The following TBCE variants were observed in gnomAD, a reference collection of about 807,000 sequenced individuals.
TBCE encodes the protein tubulin-specific chaperone E.
In TBCE, 53 loss-of-function variants were observed where a neutral mutation model predicts 77.0. That is an observed-to-expected ratio of 0.69 (90% CI 0.55 to 0.87). TBCE has a LOEUF of 0.87. Among genes scored for constraint, TBCE ranks in the 40% least tolerant of loss-of-function variants. The probability of loss-of-function intolerance (pLI) is 0.00; values close to 1 mark genes in which losing one functional copy is unlikely to be tolerated. For synonymous variants in TBCE, 235 were observed against 241.3 expected, an observed-to-expected ratio of 0.97 and a Z score of 0.24; for missense variants, 624 against 622.4, an observed-to-expected ratio of 1.00 and a Z score of -0.03.
intron 13 of TBCE, among the ~76,000 whole-genome samples, chr1:235,440,546 C>A (rs191318631): frequency 3.6e-4 from 55 of 152,266 alleles, no homozygotes; most frequent in African/African-American, 1.0e-3. Flanking sequence ...GCGTCTGCCA[C>A]CATGCCCGGC....
intron 4 of TBCE, chr1:235,414,898 C>T (rs2102883847): frequency 2.6e-6 from 1 of 391,184 alleles, no homozygotes; most frequent in Middle Eastern, 8.3e-4. Flanking sequence ...ACTAAGTAAC[C>T]AAGGCTGACG....
rs532298040 is a variant in TBCE at position 235,440,390 on chromosome 1, G to GTA, written c.1271-1412_1271-1411dup. ...ACTCCAGTTTATGTCTGAGGCATCC[G>GTA]TATATATATATATTTTTTTGAGATG... On this transcript the variant is annotated intron_variant, in intron 13 of 16. Transcript: ENST00000642610. Among the ~76,000 whole-genome samples the GTA allele has an allele frequency of 8.3e-3, 1,254 of 151,804 alleles. 14 individuals carry two copies. The highest frequency in any genetic ancestry group is 0.029 in the African/African-American group (1,209 of 41,408).
Position 235,448,411 on chromosome 1 carries a change from G to A in TBCE, c.1462G>A (p.Asp488Asn). The change falls in exon 16 of 17, where the codon GAC (aspartate) becomes AAC (asparagine). Residue 488 changes from aspartate (D) to asparagine (N), a missense_variant. By Grantham distance (23) the Asp-to-Asn change is conservative. Transcript: ENST00000642610. ...ACGTCTTCTCAAAGTTCCTGTGTCA[G>A]ACCTTCTGTTGTCCTATGAAAGTCC... ...LSRLLKVPVS[D>N]LLLSYESPKK... 6.2e-7 allele frequency: 1 copy of A among 1,614,090 alleles called. No individual in the cohort carries two copies. Among genetic ancestry groups the A allele is most frequent in the Non-Finnish European group, 8.5e-7 (1 of 1,179,980 alleles).
intron 12 of TBCE, 123 bp from the exon 13 acceptor site, chr1:235,438,646 C>T (rs550556142): frequency 8.8e-7 from 1 of 1,133,392 alleles, no homozygotes; most frequent in South Asian, 1.3e-5. Context: ...AAAACTAGAT[C>T]TTGTCCCTCT....
chr1:235,429,927 A>G (rs1171154107), intron 6 of TBCE: 1 of 152,288 alleles, frequency 6.6e-6, no homozygotes, highest in Non-Finnish European at 1.5e-5. Flanking sequence ...CATGTTGGCC[A>G]GGCTAGTCTT....
At chr1:235,371,036 G>A (rs1359161222) in intron 1 of TBCE, among the ~76,000 whole-genome samples, 1 of 53,838 alleles carries the variant, frequency 1.9e-5, no homozygotes, top group East Asian at 9.6e-4. Context: ...TATCACGCCT[G>A]GCTTTTTTTT....
chr1:235,383,761 A>G (rs1677827677), intron 2 of TBCE, among the ~76,000 whole-genome samples: 1 of 152,198 alleles, frequency 6.6e-6, no homozygotes, highest in Non-Finnish European at 1.5e-5. Context: ...GTCATCTGCA[A>G]ATAGGGATAA....
Position 235,430,822 on chromosome 1 carries a change from T to A in TBCE, c.660+18T>A. 6.3e-7 allele frequency: 1 copy of A among 1,588,896 alleles called. No individual in the cohort carries two copies. Among genetic ancestry groups the A allele is most frequent in the South Asian group, 1.1e-5 (1 of 90,392 alleles). On this transcript the variant is annotated intron_variant, in intron 7 of 16. Transcript: ENST00000642610. ...GGGCTGAGGTAATCATATTTCTTTGTTTTATTACACATTAATAAGCAATTA... is the reference window on the plus strand; with the variant it reads ...GGGCTGAGGTAATCATATTTCTTTGATTTATTACACATTAATAAGCAATTA...
intron 4 of TBCE, among the ~76,000 whole-genome samples, chr1:235,417,082 C>T (rs1254746851): frequency 6.6e-6 from 1 of 152,204 alleles, no homozygotes; most frequent in African/African-American, 2.4e-5. Context: ...TAAAATCCAG[C>T]TGACCAGCTT....
At chr1:235,391,000 C>T (rs1678351027) in intron 2 of TBCE, among the ~76,000 whole-genome samples, 1 of 152,016 alleles carries the variant, frequency 6.6e-6, no homozygotes, top group Admixed American at 6.6e-5. Flanking sequence ...TGGCAAATAT[C>T]ATTCAGGGGC....
At chr1:235,428,256 G>A (rs1481635683) in intron 6 of TBCE, among the ~76,000 whole-genome samples, 2 of 149,698 alleles carry the variant, frequency 1.3e-5, no homozygotes, top group African/African-American at 2.5e-5. Flanking sequence ...CCTGGGAGGC[G>A]GAGCTTGCAG....
chr1:235,407,134 CTTT>C (rs1233356015), intron 3 of TBCE, among the ~76,000 whole-genome samples: 15 of 138,560 alleles, frequency 1.1e-4, no homozygotes, highest in Admixed American at 1.5e-4. Context: ...TGGCCCCCGC[CTTT>C]TTTTTTTTTT....
intron 2 of TBCE, among the ~76,000 whole-genome samples, chr1:235,390,708 C>T (rs1256501055): frequency 1.4e-5 from 2 of 147,594 alleles, no homozygotes; most frequent in East Asian, 2.0e-4. Flanking sequence ...TTGCAGTGAG[C>T]TGAGATCGTG....
intron 15 of TBCE, among the ~76,000 whole-genome samples, chr1:235,446,160 A>G (rs1021409128): frequency 1.3e-5 from 2 of 151,846 alleles, no homozygotes; most frequent in Non-Finnish European, 2.9e-5. Context: ...TAGTACGTCA[A>G]TATATTATAA....
chr1:235,432,452 C>T (rs1293150374), intron 7 of TBCE, among the ~76,000 whole-genome samples: 1 of 152,184 alleles, frequency 6.6e-6, no homozygotes, highest in Non-Finnish European at 1.5e-5. Flanking sequence ...GAGGCGCTTA[C>T]TCCCTCTCAA....
chr1:235,371,281 T>G (rs1163564691), intron 1 of TBCE, among the ~76,000 whole-genome samples: 2 of 150,876 alleles, frequency 1.3e-5, no homozygotes, highest in Non-Finnish European at 3.0e-5. Context: ...GTCTTGAACT[T>G]CTGACCTCAA....
rs1447680393 is a variant in TBCE, at chr1:235,436,575, G to A, written c.930G>A (p.Lys310=). 1.9e-6 allele frequency: 3 copies of A among 1,613,924 alleles called. No individual in the cohort carries two copies. Among genetic ancestry groups the A allele is most frequent in the East Asian group, 2.2e-5 (1 of 44,886 alleles). The stretch of plus-strand genomic sequence containing the variant: ...AAACGTCCATGTTCCCATCCTTGAA[G>A]TACCTGGTAGTAAACGACAATCAGA... ...GCKTSMFPSL[K]YLVVNDNQIS... is the part of the protein sequence containing the mutation. The change falls in exon 11 of 17, where the codon AAG becomes AAA. Residue 310 remains lysine (K), a synonymous_variant. Transcript: ENST00000642610.
chr1:235,425,559 C>G (rs1359507963), intron 5 of TBCE, among the ~76,000 whole-genome samples: 2 of 151,940 alleles, frequency 1.3e-5, no homozygotes, highest in Non-Finnish European at 2.9e-5. Context: ...ACCCAGGTCA[C>G]CTGTCGCTGT....
At chr1:235,401,451 G>A in intron 2 of TBCE, 52 bp from the exon 3 acceptor site, 1 of 1,489,096 alleles carries the variant, frequency 6.7e-7, no homozygotes, top group East Asian at 2.3e-5. Flanking sequence ...GAAAACTGGA[G>A]CATTGCCTGT....
Sources: gnomAD v4.1 joint callset for allele counts (sites outside exome capture counted in the v4.1 genomes callset) on GRCh38, gnomAD v4.1.1 for gene constraint, MANE v1.5 for transcripts, NCBI Gene and HGNC (gene_info 2026-07-23, HGNC 2026-07-21) for gene names.